Variants in PDHA1 observed in about 807,000 individuals in gnomAD.
The protein encoded by PDHA1 is pyruvate dehydrogenase E1 subunit alpha 1.
Under a neutral mutation model 33.0 loss-of-function variants are expected in PDHA1, and 1 was observed. The ratio of observed to expected loss-of-function variants is 0.03; its 90% confidence interval spans 0.01 to 0.14. The LOEUF (loss-of-function observed/expected upper bound fraction) is 0.14, where lower values mean the gene tolerates loss of function less well. PDHA1 is among the 10% of genes least tolerant of loss of function. The pLI is 1.00. For missense variants in PDHA1, 168 were observed against 325.1 expected (o/e 0.52, Z 3.72); for synonymous variants, 123 against 119.2 (o/e 1.03, Z -0.21).
intron 8 of PDHA1, among the ~76,000 whole-genome samples, chrX:19,357,105 T>C (rs1481968996): frequency 8.9e-6 from 1 of 112,179 alleles, no homozygotes; most frequent in Non-Finnish European, 1.9e-5. Flanking sequence ...GTCTAGCCAA[T>C]AGCAGGAGGC....
In PDHA1 at chrX:19,357,639, G is replaced by A. The variant is rs1389540970; in HGVS notation, c.832-13G>A. On this transcript the variant is annotated splice_polypyrimidine_tract_variant and intron_variant, in intron 8 of 10. Coordinates refer to ENST00000422285, the MANE Select transcript of PDHA1 (RefSeq NM_000284.4). Reference sequence around the variant, plus strand: ...GTTCCTAACTAACTAACTGCCTACCGGTTCTGTTTTAGGGGCCCATCCTGA... The same window carrying A: ...GTTCCTAACTAACTAACTGCCTACCAGTTCTGTTTTAGGGGCCCATCCTGA... The A allele has an allele frequency of 2.5e-6, 3 of 1,200,115 alleles. No individual in the cohort carries two copies. Among genetic ancestry groups the A allele is most frequent in the East Asian group, 5.9e-5 (2 of 33,797 alleles).
chrX:19,349,991 A>G lies in PDHA1; in HGVS notation c.172A>G (p.Arg58Gly). ...CCCTCCTGTCACAACAGTGCTCACC[A>G]GGGAGGATGGGCTCAAATACTACAG... ...EGPPVTTVLT[R>G]EDGLKYYRMM... The change falls in exon 3 of 11, where the codon AGG becomes GGG. Residue 58 changes from arginine (R) to glycine (G), a missense_variant. By Grantham distance (125) the Arg-to-Gly change is moderately radical. This residue lies in a region of PDHA1 where 46 missense variants were observed against 47.4 expected (regional missense o/e 0.97). Transcript: ENST00000422285. 8.3e-7 allele frequency: 1 copy of G among 1,204,480 alleles called. No individual in the cohort carries two copies. Among genetic ancestry groups the G allele is most frequent in the Non-Finnish European group, 1.1e-6 (1 of 888,684 alleles).
chrX:19,344,666 G>A (rs2063118892), intron 1 of PDHA1, among the ~76,000 whole-genome samples: 2 of 113,678 alleles, frequency 1.8e-5, no homozygotes, highest in African/African-American at 6.4e-5. Context: ...AATGTTATCA[G>A]TTAACTCTAA....
chrX:19,353,439 TAG>T (rs1329801167), intron 5 of PDHA1: 1 of 398,493 alleles, frequency 2.5e-6, no homozygotes, highest in East Asian at 4.5e-5. Flanking sequence ...CAGGATTCAG[TAG>T]AGTCACATGC....
intron 2 of PDHA1, 113 bp from the exon 3 acceptor site, chrX:19,349,824 C>A: frequency 1.7e-6 from 1 of 593,606 alleles, no homozygotes; most frequent in South Asian, 2.3e-5. Context: ...CTGATGTGCT[C>A]CTTTGCAGTT....
chrX:19,349,511 A>G (rs1416167114), intron 2 of PDHA1, 140 bp downstream of exon 2: 2 of 492,006 alleles, frequency 4.1e-6, no homozygotes, highest in Non-Finnish European at 7.0e-6. Flanking sequence ...AGTTCAGAGA[A>G]GCTTCACGAA....
chrX:19,358,850 A>T (rs939497475), intron 9 of PDHA1, 66 bp from the exon 10 acceptor site: 5 of 630,160 alleles, frequency 7.9e-6, no homozygotes, highest in Non-Finnish European at 1.4e-5. Context: ...ATCATGTTTC[A>T]TCACGCCGTC....
intron 3 of PDHA1, among the ~76,000 whole-genome samples, chrX:19,350,470 T>TG (rs1455128418): frequency 8.9e-6 from 1 of 112,006 alleles, no homozygotes; most frequent in African/African-American, 3.2e-5. Context: ...TTCACTATGT[T>TG]GCCCAGGCTA....
Position 19,361,546 on chromosome X carries a change from CTT to C in PDHA1, c.*1895_*1896del, listed in dbSNP as rs1569196783. ...TGCAGCCGCAACCAGTCTATAAGCT[CTT>C]TATCTGTTCTCTGCCCGTAGGGGCC... is the stretch of plus-strand genomic sequence containing the variant. On this transcript the variant is annotated 3_prime_UTR_variant, in exon 11 of 11. Transcript: ENST00000422285. 8.3e-7 allele frequency: 1 copy of C among 1,211,754 alleles called. No individual in the cohort carries two copies. The highest frequency in any genetic ancestry group is 3.0e-5 in the East Asian group (1 of 33,858).
chrX:19,345,052 G>C (rs372475485), intron 1 of PDHA1, among the ~76,000 whole-genome samples: 1 of 110,948 alleles, frequency 9.0e-6, no homozygotes, highest in East Asian at 2.8e-4. Context: ...TTGAGGGGTG[G>C]GGGGTAGAGT....
At chrX:19,348,885 C>T (rs2063148419) in intron 1 of PDHA1, among the ~76,000 whole-genome samples, 2 of 112,059 alleles carry the variant, frequency 1.8e-5, no homozygotes, top group Non-Finnish European at 3.8e-5. Flanking sequence ...GCGGAGGTTG[C>T]AGTGAGCCGA....
At position 19,360,360 on chromosome X, in the gene PDHA1, G is replaced by A. The variant is rs150945967; in HGVS notation, c.*707G>A. The A allele has an allele frequency of 2.0e-4, 32 of 156,963 alleles. No homozygotes were observed. In the East Asian group the frequency reaches 6.4e-3, roughly 31 times the overall value. 12.9% of individuals were successfully genotyped at this position (156,963 alleles called of 1,213,427 possible). A position where few individuals can be genotyped will look rare whatever the true frequency, so the allele number is the denominator to read the frequency against. On this transcript the variant is annotated 3_prime_UTR_variant, in exon 11 of 11. Transcript: ENST00000422285. ...ACCATTCCAGCAAGTGCTGAAGGGTGTACTTTTTTTGAGACAGGGTCGGGC... is the reference window on the plus strand; with the variant it reads ...ACCATTCCAGCAAGTGCTGAAGGGTATACTTTTTTTGAGACAGGGTCGGGC...
rs769050360 is a variant in PDHA1 at position 19,361,120 on chromosome X, G to A, written c.*1467G>A. ...TGTGCCTCCACCCACTCCCAGCCAG[G>A]CATTAATGGCAGGAGATTGGCCAGC... On this transcript the variant is annotated 3_prime_UTR_variant, in exon 11 of 11. Coordinates refer to ENST00000422285, the MANE Select transcript of PDHA1 (RefSeq NM_000284.4). 2.5e-4 allele frequency: 104 copies of A among 420,394 alleles called. 5 individuals are homozygous for A. The East Asian group carries it at 3.9e-3, about 16-fold the overall frequency. 34.6% of individuals were successfully genotyped at this position (420,394 alleles called of 1,213,427 possible).
At chrX:19,356,446 G>A (rs1445355487) in intron 8 of PDHA1, among the ~76,000 whole-genome samples, 2 of 111,969 alleles carry the variant, frequency 1.8e-5, no homozygotes, top group Admixed American at 9.5e-5. Context: ...ATGTCACAAA[G>A]TGGAGAGACA....
At chrX:19,359,366 A>ATTAGCAAC in intron 10 of PDHA1, 123 bp from the exon 11 acceptor site, 1 of 580,208 alleles carries the variant, frequency 1.7e-6, no homozygotes, top group South Asian at 2.5e-5. Context: ...AATCTTCTGA[A>ATTAGCAAC]TTAGCAACTG....
In PDHA1 at chrX:19,359,593, C is replaced by A; in HGVS notation, c.1113C>A (p.Ser371Arg). The change falls in exon 11 of 11, where the codon AGC becomes AGA. Residue 371 changes from serine (S) to arginine (R), a missense_variant. This residue lies in a region of PDHA1 where 58 missense variants were observed against 63.4 expected (regional missense o/e 0.92). Coordinates refer to ENST00000422285, the MANE Select transcript of PDHA1 (RefSeq NM_000284.4). ...LEELGYHIYS[S>R]DPPFEVRGAN... ...AGCTGGGCTACCACATCTACTCCAG[C>A]GACCCACCTTTTGAAGTTCGTGGTG... 2 of 1,211,039 alleles carry A rather than the reference C, an allele frequency of 1.7e-6. No homozygotes were observed. The highest frequency in any genetic ancestry group is 1.7e-5 in the African/African-American group (1 of 57,748).
intron 3 of PDHA1, 87 bp from the exon 4 acceptor site, chrX:19,351,194 C>T (rs1470604226): frequency 1.1e-6 from 1 of 901,137 alleles, no homozygotes; most frequent in African/African-American, 2.0e-5. Flanking sequence ...GTTCTACTAG[C>T]CCACATATTT....
intron 1 of PDHA1, among the ~76,000 whole-genome samples, chrX:19,346,014 A>G (rs1428435974): frequency 8.9e-6 from 1 of 112,261 alleles, no homozygotes; most frequent in African/African-American, 3.2e-5. Context: ...CTTCATACTT[A>G]TGGATGTCTT....
Position 19,356,408 on chromosome X carries a change from G to GAATC in PDHA1, c.831+653_831+656dup, listed in dbSNP as rs1354525058. On this transcript the variant is annotated intron_variant, in intron 8 of 10. Transcript: ENST00000422285. ...ACCATGTACGTTTAGGCAGTGATGT[G>GAATC]AATCAGATGTGGCCAGCAATGATGG... Among the ~76,000 whole-genome samples, 5 of 112,044 alleles carry GAATC rather than the reference G, an allele frequency of 4.5e-5. No individual in the cohort carries two copies. In the East Asian group the frequency reaches 1.4e-3, roughly 32 times the overall value.
Sources: allele counts gnomAD v4.1 joint callset (sites outside exome capture counted in the v4.1 genomes callset), GRCh38; gene constraint gnomAD v4.1.1; regional missense constraint gnomAD v4.1.1; transcripts MANE v1.5; gene names NCBI Gene and HGNC (gene_info 2026-07-23, HGNC 2026-07-21).